The following NPC1 variants were observed in gnomAD, a reference collection of about 807,000 sequenced individuals.
NPC1 encodes NPC intracellular cholesterol transporter 1.
Under a neutral mutation model 140.4 loss-of-function variants are expected in NPC1, and 85 were observed. The ratio of observed to expected loss-of-function variants is 0.61; its 90% CI spans 0.51 to 0.72. The LOEUF (loss-of-function observed/expected upper bound fraction) is 0.72. Ranked by LOEUF, NPC1 falls within the 30% of genes least tolerant of loss-of-function variation. The probability of loss-of-function intolerance (pLI) is 0.00; values close to 1 mark genes in which losing one functional copy is unlikely to be tolerated. For synonymous variants in NPC1, 656 were observed against 624.8 expected (o/e 1.05, Z -0.74); for missense variants, 1,504 against 1,623.8 (o/e 0.93, Z 1.27).
At chr18:23,534,371 C>G in intron 23 of NPC1, 75 bp downstream of exon 23, 1 of 1,000,790 alleles carries the variant, frequency 1.0e-6, no homozygotes, top group Non-Finnish European at 1.6e-6. Context: ...AGTACAGGAT[C>G]CAGACTCTTC....
chr18:23,584,282 C>A (rs945386575), intron 1 of NPC1, among the ~76,000 whole-genome samples: 14 of 152,332 alleles, frequency 9.2e-5, no homozygotes, highest in South Asian at 2.1e-4. Context: ...GAGCTGCTAT[C>A]ATCGGTACGA....
chr18:23,539,016 G>A lies in NPC1; in HGVS notation c.2911+339C>T, dbSNP rs2282558. On this transcript the variant is annotated intron_variant, in intron 19 of 24. Transcript: ENST00000269228. ...ACCTCGACGCTCCTACAAAACCACA[G>A]GGTAAAGTGATAAAGAAAAGCCCTC... 12,585 of 449,048 alleles carry A rather than the reference G, an allele frequency of 0.028. 988 individuals carry two copies. Among genetic ancestry groups the A allele is most frequent in the East Asian group, 0.27 (5,679 of 20,812 alleles). 27.8% of individuals were successfully genotyped at this position (449,048 alleles called of 1,614,324 possible). A position where few individuals can be genotyped will look rare whatever the true frequency, so the allele number is the denominator to read the frequency against.
intron 10 of NPC1, among the ~76,000 whole-genome samples, chr18:23,550,761 C>T (rs1329092469): frequency 6.6e-6 from 1 of 152,154 alleles, no homozygotes; most frequent in Non-Finnish European, 1.5e-5. Flanking sequence ...GCTGGGATTA[C>T]AGGCGTGAGC....
At chr18:23,560,769 C>G (rs1013073695) in intron 5 of NPC1, among the ~76,000 whole-genome samples, 2 of 152,220 alleles carry the variant, frequency 1.3e-5, no homozygotes, top group African/African-American at 4.8e-5. Flanking sequence ...TTCTCAGGAG[C>G]TAATACTATA....
intron 18 of NPC1, 92 bp from the exon 19 acceptor site, chr18:23,539,562 C>T (rs1224580823): frequency 3.3e-5 from 30 of 917,572 alleles, no homozygotes; most frequent in South Asian, 7.5e-5. Context: ...TCCTTTTCTA[C>T]GTTTTATACT....
Position 23,541,212 on chromosome 18 carries a change from A to T in NPC1, c.2374-4T>A. Reference sequence around the variant, plus strand: ...AAAAGATGTCTAGCCGATTTTTCTGAGGGGACAGAGGGAAACAAAGGTTAT... The same window carrying T: ...AAAAGATGTCTAGCCGATTTTTCTGTGGGGACAGAGGGAAACAAAGGTTAT... On this transcript the variant is annotated splice_polypyrimidine_tract_variant and splice_region_variant and intron_variant, in intron 15 of 24. Coordinates refer to ENST00000269228, the MANE Select transcript of NPC1 (RefSeq NM_000271.5). 1 of 1,614,212 alleles carries T rather than the reference A, an allele frequency of 6.2e-7. No individual in the cohort carries two copies. The highest frequency in any genetic ancestry group is 8.5e-7 in the Non-Finnish European group (1 of 1,180,034).
chr18:23,512,723 G>A (rs992592692), intron 3 of NPC1, among the ~76,000 whole-genome samples: 1 of 151,746 alleles, frequency 6.6e-6, no homozygotes, highest in African/African-American at 2.4e-5. Flanking sequence ...ATGAGCCACT[G>A]TGTGTGGTCA....
In NPC1 at chr18:23,557,175, G is replaced by A; in HGVS notation, c.897C>T (p.Val299=). The A allele has an allele frequency of 6.2e-7, 1 of 1,613,136 alleles. No homozygotes were observed. Among genetic ancestry groups the A allele is most frequent in the Non-Finnish European group, 8.5e-7 (1 of 1,179,564 alleles). Residue 299 remains valine (V), a synonymous_variant, in exon 7 of 25, where the codon GTC becomes GTT. Coordinates refer to ENST00000269228, the MANE Select transcript of NPC1 (RefSeq NM_000271.5). The part of the protein sequence containing the change: ...AVWCYRKRYF[V]SEYTPIDSNI... ...TGCTATCGATGGGAGTGTACTCGGAGACAAAATACCGTTTTCTGAAAAACA... is the reference window on the plus strand; with the variant it reads ...TGCTATCGATGGGAGTGTACTCGGAAACAAAATACCGTTTTCTGAAAAACA...
At chr18:23,545,635 C>A (rs116836661) in intron 11 of NPC1, among the ~76,000 whole-genome samples, 1 of 152,192 alleles carries the variant, frequency 6.6e-6, no homozygotes, top group African/African-American at 2.4e-5. Flanking sequence ...TCTGTTGCCT[C>A]GGCTGGAGTA....
intron 4 of NPC1, among the ~76,000 whole-genome samples, chr18:23,566,588 TAA>T (rs10668198): frequency 6.6e-6 from 1 of 151,656 alleles, no homozygotes; most frequent in African/African-American, 2.4e-5. Flanking sequence ...TTCCAAAAAA[TAA>T]AATACTTACA....
chr18:23,524,738 A>AGACTCCACCCCAGGGTGGATGGAAAGCCG (rs2058243358), downstream of NPC1, among the ~76,000 whole-genome samples: 1 of 152,010 alleles, frequency 6.6e-6, no homozygotes, highest in South Asian at 2.1e-4. Context: ...TGGAAAAGCC[A>AGACTCCACCCCAGGGTGGATGGAAAGCCG]GACTCCACCC....
In NPC1 at chr18:23,560,441, G is replaced by C; in HGVS notation, c.671C>G (p.Thr224Ser). Reference protein sequence around the residue: ...VHGMEPMNNATKGCDESVDEV... With the variant: ...VHGMEPMNNASKGCDESVDEV... ...ATCCACAGACTCGTCACAGCCTTTG[G>C]TGGCATTGTTCATGGGCTCCATCCC... Residue 224 changes from threonine to serine, a missense_variant, in exon 6 of 25, where the codon ACC becomes AGC. Coordinates refer to ENST00000269228, the MANE Select transcript of NPC1 (RefSeq NM_000271.5). The C allele has an allele frequency of 6.2e-7, 1 of 1,614,172 alleles. No individual in the cohort carries two copies. Among genetic ancestry groups the C allele is most frequent in the Non-Finnish European group, 8.5e-7 (1 of 1,180,022 alleles).
At chr18:23,521,691 C>G (rs529123886), downstream of NPC1, among the ~76,000 whole-genome samples, 1,705 of 71,720 alleles carry the variant, frequency 0.024, 35 homozygotes, top group African/African-American at 0.13. Context: ...CACACACTCT[C>G]TCTCTTTTTT....
chr18:23,532,036 C>A lies in NPC1; in HGVS notation c.*166G>T. ...GATCTAGTAATACTGCTTCCCAAGT[C>A]AACTGTGCATTCCTGAGTTCACAGG... On this transcript the variant is annotated 3_prime_UTR_variant, in exon 25 of 25. Transcript: ENST00000269228. 1 of 1,553,288 alleles carries A rather than the reference C, an allele frequency of 6.4e-7. No individual in the cohort carries two copies. Among genetic ancestry groups the A allele is most frequent in the Non-Finnish European group, 8.7e-7 (1 of 1,151,594 alleles).
chr18:23,526,689 A>C, downstream of NPC1: 1 of 1,614,192 alleles, frequency 6.2e-7, no homozygotes, highest in Non-Finnish European at 8.5e-7. Flanking sequence ...ATCTCTTACC[A>C]GACAAAGGAA....
intron 1 of NPC1, among the ~76,000 whole-genome samples, chr18:23,576,031 C>T (rs2059272478): frequency 2.0e-5 from 3 of 152,042 alleles, no homozygotes; most frequent in Admixed American, 1.3e-4. Flanking sequence ...CGAGACCAGC[C>T]TGACCGACAT....
intron 4 of NPC1, among the ~76,000 whole-genome samples, chr18:23,566,994 T>G (rs2059135194): frequency 1.3e-5 from 2 of 152,246 alleles, no homozygotes; most frequent in African/African-American, 4.8e-5. Flanking sequence ...TGTACTTTCA[T>G]GGCTTGATAG....
chr18:23,561,237 C>T, intron 5 of NPC1, 123 bp downstream of exon 5: 1 of 1,006,912 alleles, frequency 9.9e-7, no homozygotes, highest in South Asian at 1.3e-5. Context: ...GTCTGGAACT[C>T]CTGGTCTTAA....
chr18:23,522,178 A>C (rs2058160221), downstream of NPC1: 1 of 152,218 alleles, frequency 6.6e-6, no homozygotes, highest in Non-Finnish European at 1.5e-5. Flanking sequence ...CAGTTGGAGG[A>C]AGGAGCTGGT....
Sources: gnomAD v4.1 joint callset for allele counts (sites outside exome capture counted in the v4.1 genomes callset) on GRCh38, gnomAD v4.1.1 for gene constraint, MANE v1.5 for transcripts, NCBI Gene and HGNC (gene_info 2026-07-23, HGNC 2026-07-21) for gene names.